Variants in PPP1R12A observed in about 807,000 individuals in gnomAD.
PPP1R12A encodes the protein protein phosphatase 1 regulatory subunit 12A.
A neutral mutation model predicts 139.6 loss-of-function variants in PPP1R12A; 19 were observed. That is an observed-to-expected ratio of 0.14 (90% CI 0.09 to 0.20). PPP1R12A has a LOEUF of 0.20. PPP1R12A is among the 10% of genes least tolerant of loss of function. The pLI is 1.00. For missense variants in PPP1R12A, 925 were observed against 1,211.5 expected (o/e 0.76, Z 3.51); for synonymous variants, 427 against 420.6 (o/e 1.02, Z -0.19).
At chr12:79,875,700 C>T (rs1007929619) in intron 1 of PPP1R12A, among the ~76,000 whole-genome samples, 3 of 152,020 alleles carry the variant, frequency 2.0e-5, no homozygotes, top group African/African-American at 7.2e-5. Flanking sequence ...ATAAAAAGCC[C>T]AAGTTTATTA....
intron 9 of PPP1R12A, among the ~76,000 whole-genome samples, chr12:79,810,960 C>G (rs1028465573): frequency 6.6e-6 from 1 of 151,942 alleles, no homozygotes; most frequent in Non-Finnish European, 1.5e-5. Context: ...ATAATAAAAA[C>G]TAATTTTATG....
intron 23 of PPP1R12A, chr12:79,780,072 C>T (rs1374413775): frequency 6.6e-6 from 1 of 152,158 alleles, no homozygotes; most frequent in Non-Finnish European, 1.5e-5. Flanking sequence ...GGTGTGGAGA[C>T]ATGCACCTGT....
intron 22 of PPP1R12A, 98 bp downstream of exon 22, chr12:79,786,276 C>G: frequency 2.9e-6 from 2 of 682,844 alleles, no homozygotes; most frequent in Non-Finnish European, 4.8e-6. Flanking sequence ...AATTATCAAA[C>G]TTCTATTTAG....
chr12:79,809,737 G>T lies in PPP1R12A; in HGVS notation c.1455+58C>A, dbSNP rs551494121. 7 of 1,369,596 alleles carry T rather than the reference G, an allele frequency of 5.1e-6. No individual in the cohort carries two copies. In the East Asian group the frequency reaches 9.6e-5, roughly 19 times the overall value. The allele number at this position is 1,369,596 out of a possible 1,614,324, so 84.8% of individuals were successfully genotyped here. ...TAGCAGAAAATCTACCAGATTTGAT[G>T]TTCCTGGAAAAGAAATCATAACAGT... On this transcript the variant is annotated intron_variant, in intron 10 of 24. Transcript: ENST00000450142.
intron 1 of PPP1R12A, among the ~76,000 whole-genome samples, chr12:79,909,727 T>TAA (rs146614526): frequency 2.1e-5 from 3 of 143,368 alleles, no homozygotes; most frequent in African/African-American, 7.8e-5. Context: ...AACTCCGTCT[T>TAA]AAAAAAAAAA....
chr12:79,838,580 T>C (rs2137179841), intron 3 of PPP1R12A, among the ~76,000 whole-genome samples: 1 of 152,304 alleles, frequency 6.6e-6, no homozygotes, highest in African/African-American at 2.4e-5. Context: ...CCCCTTGCTG[T>C]GTGCAGCCTT....
chr12:79,834,392 T>C (rs1263568767), intron 3 of PPP1R12A, among the ~76,000 whole-genome samples: 1 of 152,118 alleles, frequency 6.6e-6, no homozygotes, highest in African/African-American at 2.4e-5. Context: ...CTTAAGAGGA[T>C]CACTTAGGAT....
chr12:79,917,699 A>T (rs1887113807), intron 1 of PPP1R12A, among the ~76,000 whole-genome samples: 1 of 152,158 alleles, frequency 6.6e-6, no homozygotes. Context: ...TATTTTGAGC[A>T]AAAAAGAAAA....
chr12:79,882,766 T>C (rs568855705), intron 1 of PPP1R12A, among the ~76,000 whole-genome samples: 6 of 152,302 alleles, frequency 3.9e-5, no homozygotes, highest in Admixed American at 3.9e-4. Context: ...GAAACTTGTC[T>C]TATTTTATGA....
chr12:79,888,014 T>A (rs1884261082), intron 1 of PPP1R12A, among the ~76,000 whole-genome samples: 1 of 152,122 alleles, frequency 6.6e-6, no homozygotes, highest in Non-Finnish European at 1.5e-5. Context: ...TGTTTCTTGA[T>A]GAAACAGTGT....
At chr12:79,861,487 C>T (rs1229492382) in intron 2 of PPP1R12A, among the ~76,000 whole-genome samples, 2 of 152,146 alleles carry the variant, frequency 1.3e-5, no homozygotes, top group South Asian at 2.1e-4. Flanking sequence ...CCGCAGAGGG[C>T]GAGCTGAAGC....
At position 79,814,644 on chromosome 12, in the gene PPP1R12A, C is replaced by T. The variant is rs549772869; in HGVS notation, c.1239+2750G>A. On this transcript the variant is annotated intron_variant, in intron 9 of 24. Coordinates refer to ENST00000450142, the MANE Select transcript of PPP1R12A (RefSeq NM_002480.3). The stretch of plus-strand genomic sequence containing the variant: ...CAACCCAGCCAACATGATGAAACCC[C>T]GTCTCTACTAAAAATACAAAAATTA... Among the ~76,000 whole-genome samples the T allele has an allele frequency of 6.0e-5, 9 of 150,260 alleles. No homozygotes were observed. In the East Asian group the frequency reaches 7.8e-4, roughly 13 times the overall value.
chr12:79,930,097 G>C (rs1193815153), intron 1 of PPP1R12A, among the ~76,000 whole-genome samples: 1 of 152,166 alleles, frequency 6.6e-6, no homozygotes, highest in East Asian at 1.9e-4. Context: ...AGTAAAAAGT[G>C]TTTTTATTGC....
At chr12:79,853,264 G>A (rs567923230) in intron 2 of PPP1R12A, among the ~76,000 whole-genome samples, 15 of 152,226 alleles carry the variant, frequency 9.9e-5, no homozygotes, top group African/African-American at 3.6e-4. Context: ...TTTTGCTGGC[G>A]CTTTCTTTGT....
chr12:79,933,623 G>A (rs982436652), intron 1 of PPP1R12A, among the ~76,000 whole-genome samples: 8 of 152,130 alleles, frequency 5.3e-5, no homozygotes, highest in Non-Finnish European at 8.8e-5. Flanking sequence ...AATAGAAAAA[G>A]CCTATGTTTT....
intron 14 of PPP1R12A, 34 bp downstream of exon 14, chr12:79,805,558 A>G (rs779959518): frequency 1.9e-6 from 3 of 1,588,190 alleles, no homozygotes; most frequent in Non-Finnish European, 2.6e-6. Context: ...ACTGGGCAAG[A>G]TATATCAGCA....
At chr12:79,893,931 T>C (rs1036167557) in intron 1 of PPP1R12A, among the ~76,000 whole-genome samples, 8 of 152,204 alleles carry the variant, frequency 5.3e-5, no homozygotes, top group Non-Finnish European at 1.0e-4. Context: ...TTGTCACTTA[T>C]CACTGCTGCT....
rs1872564293 is a variant in PPP1R12A, at chr12:79,796,877, C to T, written c.2366G>A (p.Ser789Asn). The part of the protein sequence containing the change: ...TPSSSLSTMS[S>N]SLYASSQLNR... ...TAGTTGACTTGAAGCATACAGTGAACTGCTCATAGTAGAAAGTGAAGAGGA... is the reference window on the plus strand; with the variant it reads ...TAGTTGACTTGAAGCATACAGTGAATTGCTCATAGTAGAAAGTGAAGAGGA... Residue 789 changes from serine (S) to asparagine (N), a missense_variant, in exon 17 of 25, where the codon AGT becomes AAT. By Grantham distance (46) the Ser-to-Asn change is conservative (BLOSUM62 1). Coordinates refer to ENST00000450142, the MANE Select transcript of PPP1R12A (RefSeq NM_002480.3). The T allele has an allele frequency of 6.2e-7, 1 of 1,611,496 alleles. No individual in the cohort carries two copies. The highest frequency in any genetic ancestry group is 1.3e-5 in the African/African-American group (1 of 74,800).
intron 14 of PPP1R12A, among the ~76,000 whole-genome samples, chr12:79,802,168 C>T (rs1366311619): frequency 6.6e-6 from 1 of 152,062 alleles, no homozygotes; most frequent in Non-Finnish European, 1.5e-5. Context: ...CTAGGAAAAT[C>T]ACAATAAAAT....
Sources: allele counts gnomAD v4.1 joint callset (sites outside exome capture counted in the v4.1 genomes callset), GRCh38; gene constraint gnomAD v4.1.1; transcripts MANE v1.5; gene names NCBI Gene and HGNC (gene_info 2026-07-23, HGNC 2026-07-21).